Variants in MAPT observed in about 807,000 individuals in gnomAD.
MAPT encodes microtubule-associated protein tau.
In MAPT, 34 loss-of-function variants were observed where a neutral mutation model predicts 67.9. That is an observed-to-expected ratio of 0.50 (90% CI 0.38 to 0.67). The LOEUF (loss-of-function observed/expected upper bound fraction) is 0.67. Among genes scored for constraint, MAPT ranks in the 30% least tolerant of loss-of-function variants. The probability of loss-of-function intolerance (pLI) is 0.00; values close to 1 mark genes in which losing one functional copy is unlikely to be tolerated. For synonymous variants in MAPT, 456 were observed against 464.5 expected, an observed-to-expected ratio of 0.98 and a Z score of 0.23; for missense variants, 881 against 1,115.2, an observed-to-expected ratio of 0.79 and a Z score of 2.99.
intron 1 of MAPT, among the ~76,000 whole-genome samples, chr17:45,944,326 G>A (rs372515587): frequency 1.3e-5 from 2 of 152,306 alleles, no homozygotes; most frequent in East Asian, 1.9e-4. Context: ...GAGCTGAGCC[G>A]AGAACAGGTG....
At chr17:46,001,813 GA>G (rs2075027914) in intron 9 of MAPT, among the ~76,000 whole-genome samples, 1 of 152,230 alleles carries the variant, frequency 6.6e-6, no homozygotes, top group Non-Finnish European at 1.5e-5. Context: ...GGTGAGCAGA[GA>G]AACAGGGCCA....
chr17:45,940,878 C>G (rs1048150302), intron 1 of MAPT, among the ~76,000 whole-genome samples: 3 of 152,128 alleles, frequency 2.0e-5, no homozygotes, highest in African/African-American at 7.2e-5. Flanking sequence ...TATCAAGGGG[C>G]TTTTTTCTTT....
In MAPT at chr17:45,962,358, G is replaced by A; in HGVS notation, c.21G>A (p.Glu7=). ...CCAGGATGGCTGAGCCCCGCCAGGA[G>A]TTCGAAGTGATGGAAGATCACGCTG... MAEPRQ[E]FEVMEDHAGT... Residue 7 remains glutamate, a synonymous_variant, in exon 2 of 13, where the codon GAG becomes GAA. Coordinates refer to ENST00000262410, the MANE Select transcript of MAPT (RefSeq NM_001377265.1). The A allele has an allele frequency of 6.2e-7, 1 of 1,612,250 alleles. No individual in the cohort carries two copies. The highest frequency in any genetic ancestry group is 1.7e-5 in the Admixed American group (1 of 59,988).
chr17:45,912,453 A>G (rs1341923216), intron 1 of MAPT, among the ~76,000 whole-genome samples: 2 of 152,188 alleles, frequency 1.3e-5, no homozygotes, highest in Admixed American at 1.3e-4. Context: ...AAGAGAAGAC[A>G]ATGTGGTGAT....
At chr17:45,979,187 A>T in intron 4 of MAPT, 1 of 152,230 alleles carries the variant, frequency 6.6e-6, no homozygotes. Flanking sequence ...TGTATTCAAG[A>T]AAGGCAGCTT....
At chr17:45,984,263 G>A (rs948780046) in intron 5 of MAPT, among the ~76,000 whole-genome samples, 9 of 152,174 alleles carry the variant, frequency 5.9e-5, no homozygotes, top group Admixed American at 4.6e-4. Flanking sequence ...GCCTTCCACC[G>A]ACAGGATGAC....
intron 9 of MAPT, among the ~76,000 whole-genome samples, chr17:46,003,458 T>TAA (rs2075187217): frequency 6.6e-6 from 1 of 151,974 alleles, no homozygotes; most frequent in Non-Finnish European, 1.5e-5. Context: ...TTTATATTTT[T>TAA]AGTAGAGGAG....
chr17:46,003,999 A>G (rs1598356483), intron 9 of MAPT, among the ~76,000 whole-genome samples: 1 of 152,246 alleles, frequency 6.6e-6, no homozygotes, highest in Non-Finnish European at 1.5e-5. Flanking sequence ...TTCCTGTGTC[A>G]GTTCCTAAGC....
In MAPT at chr17:45,978,455, A is replaced by G; in HGVS notation, c.286+15A>G. ...CGTGACCCAAGGTCAGTGAACTGGA[A>G]TTGCCTGCCATGACTTGGGGGTTGG... On this transcript the variant is annotated intron_variant, in intron 4 of 12. Transcript: ENST00000262410. 2.0e-6 allele frequency: 2 copies of G among 1,019,312 alleles called. No individual in the cohort carries two copies. Among genetic ancestry groups the G allele is most frequent in the East Asian group, 4.3e-5 (1 of 23,156 alleles). 63.1% of individuals were successfully genotyped at this position (1,019,312 alleles called of 1,614,324 possible).
At chr17:45,926,957 GTA>G (rs199741251) in intron 1 of MAPT, among the ~76,000 whole-genome samples, 8 of 107,228 alleles carry the variant, frequency 7.5e-5, no homozygotes, top group African/African-American at 1.4e-4. Flanking sequence ...ACATATATGT[GTA>G]TATATATACA....
At position 46,004,605 on chromosome 17, in the gene MAPT, C is replaced by T. The variant is rs542416727; in HGVS notation, c.1999-5705C>T. On this transcript the variant is annotated intron_variant, in intron 9 of 12. Coordinates refer to ENST00000262410, the MANE Select transcript of MAPT (RefSeq NM_001377265.1). ...TGACAACCATTCCTCTTTTCTCTCC[C>T]TTCTGTAAATCTAAGATTCTATAAA... 2.9e-3 allele frequency among the ~76,000 whole-genome samples: 443 copies of T among 152,264 alleles called. 2 individuals carry two copies. The highest frequency in any genetic ancestry group is 0.014 in the Middle Eastern group (4 of 294).
chr17:45,894,802 G>A (rs2063044667), intron 1 of MAPT, 116 bp downstream of exon 1: 1 of 152,526 alleles, frequency 6.6e-6, no homozygotes, highest in African/African-American at 2.4e-5. Flanking sequence ...CATCGGTCGG[G>A]GCCACCGCAG....
rs189487208 is a variant in MAPT at position 45,968,707 on chromosome 17, A to G, written c.134-3152A>G. Among the ~76,000 whole-genome samples the G allele has an allele frequency of 1.1e-3, 168 of 152,268 alleles. No individual in the cohort carries two copies. The East Asian group carries it at 0.012, about 11-fold the overall frequency. ...TCCCAGTCAATTCCATATCTGCATC[A>G]CCACCATTGGCACTAAATAAAATAA... On this transcript the variant is annotated intron_variant, in intron 2 of 12. Coordinates refer to ENST00000262410, the MANE Select transcript of MAPT (RefSeq NM_001377265.1).
At position 46,010,410 on chromosome 17, in the gene MAPT, C is replaced by T; in HGVS notation, c.2091+8C>T. ...GTCCCGGGAGGCGGCAGTGTGAGTA[C>T]CTTCACACGTCCCATGCGCCGTGCT... On this transcript the variant is annotated splice_region_variant and intron_variant, in intron 10 of 12. Transcript: ENST00000262410. This position sits in a 1 kb window ranked among gnomAD's most constrained non-coding sequence, Gnocchi z 4.7. The T allele has an allele frequency of 6.5e-7, 1 of 1,548,806 alleles. No individual in the cohort carries two copies. The highest frequency in any genetic ancestry group is 8.8e-7 in the Non-Finnish European group (1 of 1,138,592).
intron 1 of MAPT, among the ~76,000 whole-genome samples, chr17:45,958,001 A>G (rs17650771): frequency 0.14 from 21,808 of 152,218 alleles, 2,137 homozygotes; most frequent in Non-Finnish European, 0.22. Flanking sequence ...CAAAATTGAC[A>G]GATAAGCAGG....
intron 1 of MAPT, among the ~76,000 whole-genome samples, chr17:45,901,296 C>T (rs1308474489): frequency 1.3e-5 from 2 of 152,314 alleles, no homozygotes; most frequent in South Asian, 4.1e-4. Context: ...GGCAGGGTGA[C>T]CTGGCTTAGT....
intron 10 of MAPT, among the ~76,000 whole-genome samples, chr17:46,011,570 C>G (rs2075821340): frequency 6.6e-6 from 1 of 152,122 alleles, no homozygotes; most frequent in Admixed American, 6.5e-5. Flanking sequence ...CGGTCTATGT[C>G]GACTGGGCAC....
intron 1 of MAPT, among the ~76,000 whole-genome samples, chr17:45,909,630 G>A (rs1178392505): frequency 2.0e-5 from 3 of 152,176 alleles, no homozygotes. Context: ...CCAACAGTTT[G>A]GGAGGCTGAG....
chr17:45,907,822 A>C (rs948025495), intron 1 of MAPT: 3 of 152,238 alleles, frequency 2.0e-5, no homozygotes, highest in African/African-American at 7.2e-5. Context: ...TGCCTCGTTA[A>C]TCCTCAGTCC....
Sources: gnomAD v4.1 joint callset for allele counts (sites outside exome capture counted in the v4.1 genomes callset) on GRCh38, gnomAD v4.1.1 for gene constraint, Gnocchi (gnomAD v3.1) non-coding constraint, MANE v1.5 for transcripts, NCBI Gene and HGNC (gene_info 2026-07-23, HGNC 2026-07-21) for gene names.